The following LSMEM1 variants were observed in gnomAD, a reference collection of about 807,000 sequenced individuals.
LSMEM1 encodes leucine-rich single-pass membrane protein 1.
A neutral mutation model predicts 11.3 loss-of-function variants in LSMEM1; 10 were observed. The ratio of observed to expected loss-of-function variants is 0.89; its 90% CI spans 0.55 to 1.50. LSMEM1 has a LOEUF of 1.50. Ranked by LOEUF, LSMEM1 falls within the 40% of genes most tolerant of loss-of-function variation. The pLI is 0.00. For synonymous variants in LSMEM1, 65 were observed against 59.3 expected (o/e 1.10, Z -0.44); for missense variants, 151 against 152.9 (o/e 0.99, Z 0.06).
At chr7:112,487,119 C>A in intron 3 of LSMEM1, 68 bp downstream of exon 3, 2 of 1,562,470 alleles carry the variant, frequency 1.3e-6, no homozygotes, top group South Asian at 2.3e-5. Flanking sequence ...TAACTTTGCT[C>A]CCACAAAGTT....
At chr7:112,481,583 C>T (rs28377373) in intron 1 of LSMEM1, among the ~76,000 whole-genome samples, 4,698 of 152,224 alleles carry the variant, frequency 0.031, 226 homozygotes, top group African/African-American at 0.1. Flanking sequence ...CCTATTATAA[C>T]AATTCTGATT....
chr7:112,486,494 C>T (rs572448857), intron 2 of LSMEM1: 14 of 375,642 alleles, frequency 3.7e-5, no homozygotes, highest in South Asian at 2.5e-4. Flanking sequence ...ACAGAAGTCA[C>T]GGCCGGGCGC....
chr7:112,489,813 A>C lies in LSMEM1; in HGVS notation c.260A>C (p.Gln87Pro). 6.2e-7 allele frequency: 1 copy of C among 1,611,206 alleles called. No homozygotes were observed. Among genetic ancestry groups the C allele is most frequent in the Non-Finnish European group, 8.5e-7 (1 of 1,179,118 alleles). The change falls in exon 4 of 4, where the codon CAA becomes CCA. Residue 87 changes from glutamine (Q) to proline (P), a missense_variant. Physicochemically the swap from Gln to Pro is moderately conservative, Grantham distance 76. Transcript: ENST00000312849. ...LVFFVIFLIV[Q>P]TGNKMDDVSR... ...CAGTCTGTTTTCTGTTTTGAAGTTC[A>C]AACTGGAAACAAGATGGATGATGTG...
chr7:112,484,916 T>C lies in LSMEM1; in HGVS notation c.100T>C (p.Cys34Arg). ...AAATGACTTAAACAAACTAAACCTC[T>C]GTCCAGCCGGATCGCAGCATCTGTT... ...SINDLNKLNL[C>R]PAGSQHLFPL... Residue 34 changes from cysteine to arginine, a missense_variant, in exon 2 of 4, where the codon TGT (cysteine) becomes CGT (arginine). By Grantham distance (180) the Cys-to-Arg change is radical. Transcript: ENST00000312849. 6.2e-7 allele frequency: 1 copy of C among 1,612,994 alleles called. No homozygotes were observed. Among genetic ancestry groups the C allele is most frequent in the Non-Finnish European group, 8.5e-7 (1 of 1,179,302 alleles).
chr7:112,480,520 G>A (rs1796008477), upstream of LSMEM1, among the ~76,000 whole-genome samples: 1 of 152,240 alleles, frequency 6.6e-6, no homozygotes, highest in Admixed American at 6.5e-5. Context: ...TGCTGAGATA[G>A]TTGGTCTCCT....
chr7:112,482,185 T>A (rs13309354), intron 1 of LSMEM1, among the ~76,000 whole-genome samples: 1 of 51,934 alleles, frequency 1.9e-5, no homozygotes, highest in East Asian at 2.2e-4. Flanking sequence ...ATTAAAAAAA[T>A]ATTGGAATAG....
In LSMEM1 at chr7:112,483,054, T is replaced by G. The variant is rs567349235; in HGVS notation, c.-6+1708T>G. Among the ~76,000 whole-genome samples the G allele has an allele frequency of 1.7e-3, 261 of 152,284 alleles. 2 individuals carry two copies. The Middle Eastern group carries it at 0.024, about 14-fold the overall frequency. On this transcript the variant is annotated intron_variant, in intron 1 of 3. Transcript: ENST00000312849. Reference sequence around the variant, plus strand: ...AGTTTTAGGTATTACTGGGAAATTGTTTTTTTAATATTTTAGACTAAGTTT... The same window carrying G: ...AGTTTTAGGTATTACTGGGAAATTGGTTTTTTAATATTTTAGACTAAGTTT...
At chr7:112,484,690 T>C (rs1796094320) in intron 1 of LSMEM1, 122 bp from the exon 2 acceptor site, 18 of 985,366 alleles carry the variant, frequency 1.8e-5, no homozygotes, top group Non-Finnish European at 2.5e-5. Flanking sequence ...AGAGCCTTAG[T>C]TGAAAATACT....
chr7:112,489,411 C>T (rs935564304), intron 3 of LSMEM1, among the ~76,000 whole-genome samples: 2 of 152,166 alleles, frequency 1.3e-5, no homozygotes, highest in African/African-American at 4.8e-5. Flanking sequence ...TCAAAATAGG[C>T]TGGAACCCAA....
chr7:112,483,136 C>CTTTTTTTTTTTTTTTTTGTTTTTTT (rs113149675), intron 1 of LSMEM1, among the ~76,000 whole-genome samples: 1 of 136,662 alleles, frequency 7.3e-6, no homozygotes, highest in Non-Finnish European at 1.6e-5. Context: ...TAGGTGTATA[C>CTTTTTTTTTTTTTTTTTGTTTTTTT]TTTTTTTTTT....
At chr7:112,482,769 AT>A (rs1360224304) in intron 1 of LSMEM1, among the ~76,000 whole-genome samples, 4 of 151,898 alleles carry the variant, frequency 2.6e-5, no homozygotes, top group Non-Finnish European at 4.4e-5. Context: ...CTGCTTTTTA[AT>A]TTTTTTTAAT....
intron 1 of LSMEM1, among the ~76,000 whole-genome samples, chr7:112,483,832 ACCCTT>A (rs1487467197): frequency 2.6e-5 from 4 of 152,122 alleles, no homozygotes; most frequent in Non-Finnish European, 5.9e-5. Flanking sequence ...CACATCTAAC[ACCCTT>A]TCTAGATCCA....
chr7:112,485,241 G>T (rs889035873), intron 2 of LSMEM1, among the ~76,000 whole-genome samples: 5 of 152,168 alleles, frequency 3.3e-5, no homozygotes, highest in Admixed American at 1.3e-4. Context: ...ACTCCTGGAG[G>T]CTGGCTCATC....
intron 1 of LSMEM1, among the ~76,000 whole-genome samples, chr7:112,482,769 A>AT (rs1360224304): frequency 3.3e-5 from 5 of 152,018 alleles, no homozygotes; most frequent in Non-Finnish European, 5.9e-5. Context: ...CTGCTTTTTA[A>AT]TTTTTTTTAA....
intron 3 of LSMEM1, among the ~76,000 whole-genome samples, chr7:112,487,256 T>A (rs774016335): frequency 2.0e-5 from 3 of 152,316 alleles, no homozygotes; most frequent in Non-Finnish European, 4.4e-5. Flanking sequence ...AAGCCCATAG[T>A]GCCAGAAGTC....
chr7:112,480,819 G>A (rs908759298), upstream of LSMEM1: 7 of 456,108 alleles, frequency 1.5e-5, no homozygotes, highest in African/African-American at 1.2e-4. Context: ...ATCATATTCT[G>A]TCCGTGTTTA....
chr7:112,483,862 CGATTA>C (rs1288379321), intron 1 of LSMEM1, among the ~76,000 whole-genome samples: 1 of 152,168 alleles, frequency 6.6e-6, no homozygotes, highest in African/African-American at 2.4e-5. Flanking sequence ...TCCTCTATCA[CGATTA>C]GACTTGATAA....
At position 112,490,216 on chromosome 7, in the gene LSMEM1, G is replaced by A; in HGVS notation, c.*267G>A. The A allele has an allele frequency of 2.8e-6, 1 of 351,802 alleles. No homozygotes were observed. The allele number at this position is 351,802 out of a possible 1,614,324, so 21.8% of individuals were successfully genotyped here. On this transcript the variant is annotated 3_prime_UTR_variant, in exon 4 of 4. Coordinates refer to ENST00000312849, the MANE Select transcript of LSMEM1 (RefSeq NM_182597.3). ...CTTTAATGGGGTGGGCGGCTAGCAG[G>A]GAGGAGAATCAACAAAGCAAGAGAA...
At chr7:112,488,020 G>C (rs1304111398) in intron 3 of LSMEM1, among the ~76,000 whole-genome samples, 2 of 152,172 alleles carry the variant, frequency 1.3e-5, no homozygotes, top group Non-Finnish European at 2.9e-5. Context: ...AGACAGGTGG[G>C]CAGAGTTCAT....
Sources: allele counts gnomAD v4.1 joint callset (sites outside exome capture counted in the v4.1 genomes callset), GRCh38; gene constraint gnomAD v4.1.1; transcripts MANE v1.5; gene names NCBI Gene and HGNC (gene_info 2026-07-23, HGNC 2026-07-21).